MN1: variants seen among roughly 807,000 people sequenced by gnomAD.
MN1 encodes the protein MN1 proto-oncogene, transcriptional regulator, also known as transcriptional activator MN1.
MN1 carries 19 observed loss-of-function variants against 86.9 expected under a neutral mutation model. That is an observed-to-expected ratio of 0.22 (90% CI 0.15 to 0.32). The LOEUF (loss-of-function observed/expected upper bound fraction) is 0.32. MN1 is among the 10% of genes least tolerant of loss of function. MN1 has a pLI of 1.00. For missense variants in MN1, 1,841 were observed against 1,862.0 expected (o/e 0.99, Z 0.21); for synonymous variants, 928 against 849.6 (o/e 1.09, Z -1.60).
chr22:27,795,737 A>ACACG (rs1315898632), intron 1 of MN1, among the ~76,000 whole-genome samples: 1 of 151,998 alleles, frequency 6.6e-6, no homozygotes, highest in Non-Finnish European at 1.5e-5. Context: ...ACACACACAC[A>ACACG]CACGCACTTT....
intron 1 of MN1, among the ~76,000 whole-genome samples, chr22:27,793,542 C>G (rs1022767482): frequency 6.6e-6 from 1 of 152,166 alleles, no homozygotes; most frequent in African/African-American, 2.4e-5. Context: ...CCCACCACAA[C>G]TTTGTACAAA....
intron 1 of MN1, among the ~76,000 whole-genome samples, chr22:27,792,889 G>GA (rs1012604478): frequency 6.6e-6 from 1 of 151,826 alleles, no homozygotes; most frequent in Non-Finnish European, 1.5e-5. Flanking sequence ...GGACCTACCT[G>GA]CCCCCCCGCC....
chr22:27,791,268 A>C (rs1332609823), intron 1 of MN1, among the ~76,000 whole-genome samples: 1 of 152,078 alleles, frequency 6.6e-6, no homozygotes, highest in East Asian at 1.9e-4. Flanking sequence ...GTGTGTGAGA[A>C]GGCGAGGAGG....
At chr22:27,757,546 C>G (rs1435669796) in intron 1 of MN1, among the ~76,000 whole-genome samples, 2 of 152,210 alleles carry the variant, frequency 1.3e-5, no homozygotes, top group Admixed American at 1.3e-4. Context: ...CCTCAGCACA[C>G]AATAGCGGAT....
In MN1 at chr22:27,751,021, G is replaced by A; in HGVS notation, c.3857C>T (p.Thr1286Ile). The A allele has an allele frequency of 6.2e-7, 1 of 1,612,298 alleles. No individual in the cohort carries two copies. Among genetic ancestry groups the A allele is most frequent in the Non-Finnish European group, 8.5e-7 (1 of 1,178,978 alleles). ...SHLQCLSVHC[T>I]DDVGDAKARA... ...AGCCTTGGCGTCACCCACGTCGTCT[G>A]TGCAGTGGACAGACAGGCACTGCAA... Residue 1286 changes from threonine (T) to isoleucine (I), a missense_variant, in exon 2 of 2, where the codon ACA becomes ATA. By Grantham distance (89) the Thr-to-Ile change is moderately conservative (BLOSUM62 -1). Transcript: ENST00000302326.
chr22:27,798,602 C>A lies in MN1; in HGVS notation c.1942G>T (p.Gly648Cys). Residue 648 changes from glycine (G) to cysteine (C), a missense_variant, in exon 1 of 2, where the codon GGC becomes TGC. Transcript: ENST00000302326. ...CAGTCAGCGGGCAGACCCGAGCCGC[C>A]CATCCTACGGGGCAGCAGGTCTCCG... ...PPGDLLPRRM[G>C]GSGLPADCGP... 1 of 1,557,802 alleles carries A rather than the reference C, an allele frequency of 6.4e-7. No homozygotes were observed. Among genetic ancestry groups the A allele is most frequent in the Non-Finnish European group, 8.6e-7 (1 of 1,160,866 alleles).
In MN1 at chr22:27,800,581, C is replaced by T; in HGVS notation, c.-38G>A. The stretch of plus-strand genomic sequence containing the variant: ...GCAGAGGGGGATCAATAGGGCATGA[C>T]AGCCGGCTCTCCGCGGCGCGCCTCC... On this transcript the variant is annotated 5_prime_UTR_variant, in exon 1 of 2. Coordinates refer to ENST00000302326, the MANE Select transcript of MN1 (RefSeq NM_002430.3). 1 of 1,612,460 alleles carries T rather than the reference C, an allele frequency of 6.2e-7. No individual in the cohort carries two copies. The highest frequency in any genetic ancestry group is 8.5e-7 in the Non-Finnish European group (1 of 1,179,868).
At chr22:27,771,161 TA>T (rs893495704) in intron 1 of MN1, among the ~76,000 whole-genome samples, 9 of 150,346 alleles carry the variant, frequency 6.0e-5, no homozygotes, top group South Asian at 2.1e-4. Context: ...CTTGGAGGGT[TA>T]AAAAAAACTC....
At position 27,795,000 on chromosome 22, in the gene MN1, T is replaced by C. The variant is rs1933269294; in HGVS notation, c.3781+1763A>G. Among the ~76,000 whole-genome samples the C allele has an allele frequency of 3.8e-5, 5 of 132,854 alleles. No homozygotes were observed. The South Asian group carries it at 1.2e-3, about 33-fold the overall frequency. 87.2% of individuals were successfully genotyped at this position (132,854 alleles called of 152,430 possible). On this transcript the variant is annotated intron_variant, in intron 1 of 1. Transcript: ENST00000302326. ...TCGATCGGGCCAGATCGAGATGTCG[T>C]GTACAAGAAAATAAAGGGGTGGGGG...
intron 1 of MN1, among the ~76,000 whole-genome samples, chr22:27,780,336 A>G (rs2146306474): frequency 6.6e-6 from 1 of 152,208 alleles, no homozygotes; most frequent in South Asian, 2.1e-4. Flanking sequence ...TTTTCCTAAA[A>G]TAGGCCCACT....
At position 27,797,030 on chromosome 22, in the gene MN1, C is replaced by T. The variant is rs1343715583; in HGVS notation, c.3514G>A (p.Asp1172Asn). The stretch of plus-strand genomic sequence containing the variant: ...CCACCCTTCAGCCCCAGAGGCTGGT[C>T]CTCGGAGATGCTGAACTGCTGCCTC... ...LQRQQFSISE[D>N]QPLGLKGGKK... The change falls in exon 1 of 2, where the codon GAC becomes AAC. Residue 1172 changes from aspartate to asparagine, a missense_variant. Transcript: ENST00000302326. 6.2e-7 allele frequency: 1 copy of T among 1,612,496 alleles called. No homozygotes were observed.
In MN1 at chr22:27,797,995, T is replaced by C; in HGVS notation, c.2549A>G (p.Lys850Arg). The change falls in exon 1 of 2, where the codon AAG (lysine) becomes AGG (arginine). Residue 850 changes from lysine (K) to arginine (R), a missense_variant. By Grantham distance (26) the Lys-to-Arg change is conservative. Transcript: ENST00000302326. ...GAPNLNVTFN[K>R]KNPPEGKRKL... Reference sequence around the variant, plus strand: ...CCTCTTGCCCTCTGGCGGGTTCTTCTTGTTGAAGGTCACGTTGAGGTTGGG... The same window carrying C: ...CCTCTTGCCCTCTGGCGGGTTCTTCCTGTTGAAGGTCACGTTGAGGTTGGG... 2 of 1,594,666 alleles carry C rather than the reference T, an allele frequency of 1.3e-6. No individual in the cohort carries two copies. The highest frequency in any genetic ancestry group is 1.4e-5 in the African/African-American group (1 of 74,006).
At chr22:27,773,918 T>C (rs1181564305) in intron 1 of MN1, among the ~76,000 whole-genome samples, 1 of 152,070 alleles carries the variant, frequency 6.6e-6, no homozygotes, top group Non-Finnish European at 1.5e-5. Context: ...CCTCCCAAAG[T>C]GTTGGGATTA....
chr22:27,782,626 CAT>C (rs974537865), intron 1 of MN1, among the ~76,000 whole-genome samples: 5 of 152,148 alleles, frequency 3.3e-5, no homozygotes, highest in African/African-American at 1.2e-4. Context: ...AGTATCAACT[CAT>C]ATATATATTA....
At chr22:27,781,968 C>T (rs1933059738) in intron 1 of MN1, among the ~76,000 whole-genome samples, 1 of 152,144 alleles carries the variant, frequency 6.6e-6, no homozygotes, top group Non-Finnish European at 1.5e-5. Context: ...CTATTGCTGG[C>T]TCCCAGACTG....
intron 1 of MN1, among the ~76,000 whole-genome samples, chr22:27,777,220 GGA>G (rs1405886087): frequency 6.6e-6 from 1 of 152,178 alleles, no homozygotes; most frequent in Non-Finnish European, 1.5e-5. Context: ...GCGTGGATTT[GGA>G]GAGAGACGCA....
In MN1 at chr22:27,796,953, G is replaced by C; in HGVS notation, c.3591C>G (p.Ser1197Arg). Residue 1197 changes from serine to arginine, a missense_variant, in exon 1 of 2, where the codon AGC becomes AGG. Transcript: ENST00000302326. Reference sequence around the variant, plus strand: ...CCTCGGAGCAGCAGCTGCCCAGCTCGCTGTCGCCATTCTGCGCCCCTGAGG... The same window carrying C: ...CCTCGGAGCAGCAGCTGCCCAGCTCCCTGTCGCCATTCTGCGCCCCTGAGG... ...VGASGAQNGD[S>R]ELGSCCSEAV... 6.2e-7 allele frequency: 1 copy of C among 1,612,202 alleles called. No individual in the cohort carries two copies. The highest frequency in any genetic ancestry group is 8.5e-7 in the Non-Finnish European group (1 of 1,179,748).
intron 1 of MN1, among the ~76,000 whole-genome samples, chr22:27,771,668 T>G (rs560837689): frequency 6.6e-6 from 1 of 152,352 alleles, no homozygotes; most frequent in South Asian, 2.1e-4. Context: ...ACACTGTTTG[T>G]GACTGCTTTT....
At chr22:27,753,819 T>TTGAA in intron 1 of MN1, among the ~76,000 whole-genome samples, 1 of 152,298 alleles carries the variant, frequency 6.6e-6, no homozygotes. Flanking sequence ...ACCTTTGCTC[T>TTGAA]TGAACCCATG....
Sources: gnomAD v4.1 joint callset for allele counts (sites outside exome capture counted in the v4.1 genomes callset) on GRCh38, gnomAD v4.1.1 for gene constraint, MANE v1.5 for transcripts, NCBI Gene and HGNC (gene_info 2026-07-23, HGNC 2026-07-21) for gene names.